FAM184B: variants seen among roughly 807,000 people sequenced by gnomAD.
FAM184B encodes protein FAM184B.
A neutral mutation model predicts 135.9 loss-of-function variants in FAM184B; 111 were observed. The ratio of observed to expected loss-of-function variants is 0.82; its 90% confidence interval spans 0.70 to 0.96. FAM184B has a LOEUF of 0.96. Ranked by LOEUF, FAM184B falls within the 40% of genes least tolerant of loss-of-function variation. The pLI, the probability that FAM184B is intolerant of heterozygous loss-of-function variation, is 0.00. For synonymous variants in FAM184B, 552 were observed against 524.8 expected (o/e 1.05, Z -0.71); for missense variants, 1,375 against 1,323.9 (o/e 1.04, Z -0.60).
chr4:17,681,477 G>A (rs1388912329), intron 7 of FAM184B, among the ~76,000 whole-genome samples: 1 of 152,214 alleles, frequency 6.6e-6, no homozygotes, highest in East Asian at 1.9e-4. Flanking sequence ...CTTGTTCCAT[G>A]TCAGGTGGAA....
intron 1 of FAM184B, among the ~76,000 whole-genome samples, chr4:17,717,416 C>T (rs1217598034): frequency 1.3e-5 from 2 of 152,166 alleles, no homozygotes; most frequent in African/African-American, 2.4e-5. Flanking sequence ...TCATGCCTCA[C>T]AGGTCGCTTG....
At chr4:17,654,355 T>A (rs187957270) in intron 10 of FAM184B, among the ~76,000 whole-genome samples, 351 of 151,974 alleles carry the variant, frequency 2.3e-3, no homozygotes, top group Middle Eastern at 0.014. Flanking sequence ...AAACTCTTTT[T>A]TATATATATA....
At chr4:17,761,861 C>A (rs1304055428) in intron 1 of FAM184B, among the ~76,000 whole-genome samples, 2 of 152,100 alleles carry the variant, frequency 1.3e-5, no homozygotes, top group African/African-American at 4.8e-5. Flanking sequence ...CCCACCTTAC[C>A]TCTCTGTACT....
chr4:17,638,069 C>T (rs559989924), intron 14 of FAM184B, among the ~76,000 whole-genome samples: 1 of 150,956 alleles, frequency 6.6e-6, no homozygotes, highest in African/African-American at 2.4e-5. Flanking sequence ...TTGTTTTGCC[C>T]ACCCTTGCCA....
intron 1 of FAM184B, among the ~76,000 whole-genome samples, chr4:17,743,940 A>G (rs959318693): frequency 2.0e-5 from 3 of 152,182 alleles, no homozygotes; most frequent in Non-Finnish European, 4.4e-5. Flanking sequence ...CTGAGTTCTC[A>G]TCTGAAGGCT....
At chr4:17,723,436 C>T (rs1476428276) in intron 1 of FAM184B, among the ~76,000 whole-genome samples, 1 of 152,226 alleles carries the variant, frequency 6.6e-6, no homozygotes, top group African/African-American at 2.4e-5. Flanking sequence ...AATTTCTGTG[C>T]CCTGACTGCA....
At chr4:17,711,277 G>A (rs944368767) in intron 1 of FAM184B, among the ~76,000 whole-genome samples, 3 of 151,444 alleles carry the variant, frequency 2.0e-5, no homozygotes, top group Admixed American at 6.6e-5. Flanking sequence ...TCAGGAGTTC[G>A]AGACCAGGCT....
intron 7 of FAM184B, among the ~76,000 whole-genome samples, chr4:17,682,431 C>T (rs184855700): frequency 2.3e-4 from 35 of 152,234 alleles, no homozygotes; most frequent in African/African-American, 8.4e-4. Context: ...GAGTGGAAAG[C>T]CTGATCTCAG....
In FAM184B at chr4:17,652,969, G is replaced by A. The variant is rs756767231; in HGVS notation, c.2052C>T (p.Arg684=). The change falls in exon 11 of 18, where the codon CGC becomes CGT. Residue 684 remains arginine (R), a synonymous_variant. Coordinates refer to ENST00000265018, the MANE Select transcript of FAM184B (RefSeq NM_015688.2). ...GGCTGTGGCTGGATTCCTTCTTCAA[G>A]CGTTCCTCTGTGGCCTGTGGGAAAA... The part of the protein sequence containing the change: ...RHQELKATEE[R]LKKESSHSLQ... 3 of 1,551,666 alleles carry A rather than the reference G, an allele frequency of 1.9e-6. No individual in the cohort carries two copies. The highest frequency in any genetic ancestry group is 2.6e-6 in the Non-Finnish European group (3 of 1,146,984).
At chr4:17,723,586 C>A (rs1253166555) in intron 1 of FAM184B, among the ~76,000 whole-genome samples, 1 of 152,164 alleles carries the variant, frequency 6.6e-6, no homozygotes, top group African/African-American at 2.4e-5. Context: ...CCACGGCCAG[C>A]CCATCTCTTG....
At chr4:17,635,225 A>G (rs1402099065) in intron 15 of FAM184B, 112 bp from the exon 16 acceptor site, 1 of 791,298 alleles carries the variant, frequency 1.3e-6, no homozygotes, top group Non-Finnish European at 2.0e-6. Flanking sequence ...CAGGGGAGGA[A>G]GGGGAAGTCA....
chr4:17,634,904 A>G (rs1263236770), intron 16 of FAM184B, 105 bp downstream of exon 16: 1 of 684,874 alleles, frequency 1.5e-6, no homozygotes, highest in Non-Finnish European at 2.3e-6. Context: ...TCCAATGAAT[A>G]TTTTTCTGAG....
intron 1 of FAM184B, among the ~76,000 whole-genome samples, chr4:17,760,508 C>CA (rs941011846): frequency 6.6e-6 from 1 of 150,726 alleles, no homozygotes; most frequent in Non-Finnish European, 1.5e-5. Flanking sequence ...AAACAAAAAA[C>CA]AAAAAACCCT....
At chr4:17,702,070 C>G (rs1264083813) in intron 5 of FAM184B, among the ~76,000 whole-genome samples, 1 of 152,194 alleles carries the variant, frequency 6.6e-6, no homozygotes, top group African/African-American at 2.4e-5. Flanking sequence ...GTGTAAGCTG[C>G]AGGTCCAGGT....
chr4:17,656,955 C>G (rs1715790080), intron 10 of FAM184B, among the ~76,000 whole-genome samples: 1 of 152,160 alleles, frequency 6.6e-6, no homozygotes, highest in African/African-American at 2.4e-5. Context: ...CTTCCTACTA[C>G]AGTAGATCAG....
rs188061688 is a variant in FAM184B at position 17,651,131 on chromosome 4, G to A, written c.2191+1699C>T. ...AGTGCTCAGCATGAAATGGTGAGAG[G>A]TTATTTGTCTTGCTCTTAAGAGTAA... On this transcript the variant is annotated intron_variant, in intron 11 of 17. Transcript: ENST00000265018. Among the ~76,000 whole-genome samples the A allele has an allele frequency of 1.1e-3, 170 of 152,306 alleles. 3 individuals are homozygous for A. The South Asian group carries it at 0.023, about 21-fold the overall frequency.
intron 7 of FAM184B, among the ~76,000 whole-genome samples, chr4:17,668,925 A>G (rs545296055): frequency 2.0e-5 from 3 of 152,310 alleles, no homozygotes; most frequent in South Asian, 2.1e-4. Context: ...CAAAACAACA[A>G]AAGTTTTTCT....
chr4:17,700,788 A>G (rs948398164), intron 5 of FAM184B, among the ~76,000 whole-genome samples: 1 of 152,236 alleles, frequency 6.6e-6, no homozygotes, highest in African/African-American at 2.4e-5. Flanking sequence ...GACTGAATCT[A>G]TTATCTAACC....
chr4:17,742,956 T>C (rs915275646), intron 1 of FAM184B, among the ~76,000 whole-genome samples: 1 of 152,228 alleles, frequency 6.6e-6, no homozygotes, highest in South Asian at 2.1e-4. Flanking sequence ...GCATTGGTTA[T>C]ACATGCTTGG....
Sources: allele counts gnomAD v4.1 joint callset (sites outside exome capture counted in the v4.1 genomes callset), GRCh38; gene constraint gnomAD v4.1.1; transcripts MANE v1.5; gene names NCBI Gene and HGNC (gene_info 2026-07-23, HGNC 2026-07-21).